The following PALM2AKAP2 variants were observed in gnomAD, a reference collection of about 807,000 sequenced individuals.
PALM2AKAP2 encodes PALM2 and AKAP2 fusion, also known as PALM2-AKAP2 fusion protein.
Under a neutral mutation model 71.5 loss-of-function variants are expected in PALM2AKAP2, and 37 were observed. That is an observed-to-expected ratio of 0.52 (90% CI 0.40 to 0.68). PALM2AKAP2 has a LOEUF of 0.68. Ranked by LOEUF, PALM2AKAP2 falls within the 30% of genes least tolerant of loss-of-function variation. PALM2AKAP2 has a pLI of 0.00. For synonymous variants in PALM2AKAP2, 468 were observed against 478.8 expected (o/e 0.98, Z 0.29); for missense variants, 1,224 against 1,191.8 (o/e 1.03, Z -0.40).
chr9:109,792,211 A>T (rs553983893), intron 1 of PALM2AKAP2, among the ~76,000 whole-genome samples: 1 of 152,278 alleles, frequency 6.6e-6, no homozygotes, highest in East Asian at 1.9e-4. Context: ...TGCTGGATGA[A>T]CTCATCAGTT....
chr9:110,048,400 C>G (rs1309473967), upstream of PALM2AKAP2, among the ~76,000 whole-genome samples: 1 of 152,178 alleles, frequency 6.6e-6, no homozygotes, highest in Non-Finnish European at 1.5e-5. Flanking sequence ...TATCCATATA[C>G]CCAGACACAG....
chr9:109,758,172 G>A (rs1828994775), intron 1 of PALM2AKAP2, among the ~76,000 whole-genome samples: 2 of 151,952 alleles, frequency 1.3e-5, no homozygotes, highest in African/African-American at 4.8e-5. Context: ...ATATCTTCAT[G>A]CTTGCTCCCC....
chr9:109,777,079 A>G (rs568775513), upstream of PALM2AKAP2, among the ~76,000 whole-genome samples: 2 of 152,304 alleles, frequency 1.3e-5, no homozygotes, highest in African/African-American at 4.8e-5. Flanking sequence ...CTCATCTTTC[A>G]CAGTTTCTTT....
At chr9:110,091,376 G>A (rs188966386) in intron 1 of PALM2AKAP2, among the ~76,000 whole-genome samples, 24 of 150,248 alleles carry the variant, frequency 1.6e-4, no homozygotes, top group Non-Finnish European at 1.8e-4. Context: ...TGTGATCCTC[G>A]TTGCTTTTCT....
intron 1 of PALM2AKAP2, among the ~76,000 whole-genome samples, chr9:110,111,936 C>A (rs1835263429): frequency 6.6e-6 from 1 of 152,096 alleles, no homozygotes; most frequent in African/African-American, 2.4e-5. Flanking sequence ...GTTTTCAGAT[C>A]CCCACCTTCT....
chr9:109,670,362 A>G (rs540522107), intron 1 of PALM2AKAP2, among the ~76,000 whole-genome samples: 51 of 152,278 alleles, frequency 3.3e-4, no homozygotes, highest in Non-Finnish European at 6.3e-4. Context: ...AAATGAGAAC[A>G]TGAGGTATTT....
chr9:110,054,499 C>A lies in PALM2AKAP2; in HGVS notation c.156+5644C>A, dbSNP rs149844046. Among the ~76,000 whole-genome samples, 1,164 of 152,240 alleles carry A rather than the reference C, an allele frequency of 7.6e-3. 15 individuals are homozygous for A. The highest frequency in any genetic ancestry group is 0.027 in the African/African-American group (1,110 of 41,556). On this transcript the variant is annotated intron_variant, in intron 1 of 3. Coordinates refer to ENST00000374525, the Ensembl canonical transcript of PALM2AKAP2. ...TGTATTCCTCCTAAAGTTGGTTGTTCTTAAATTAACCAAAGCCTTCTTTCA... is the reference window on the plus strand; with the variant it reads ...TGTATTCCTCCTAAAGTTGGTTGTTATTAAATTAACCAAAGCCTTCTTTCA...
At chr9:109,833,835 C>G (rs1422838152) in intron 1 of PALM2AKAP2, among the ~76,000 whole-genome samples, 1 of 152,196 alleles carries the variant, frequency 6.6e-6, no homozygotes, top group East Asian at 1.9e-4. Flanking sequence ...GAGCCTCTGT[C>G]CGGTTTAGGT....
chr9:109,989,400 T>C (rs576961764), intron 6 of PALM2AKAP2, among the ~76,000 whole-genome samples: 1 of 152,230 alleles, frequency 6.6e-6, no homozygotes, highest in South Asian at 2.1e-4. Context: ...TTCTTTCGGG[T>C]TGTGCTTTCT....
upstream of PALM2AKAP2, among the ~76,000 whole-genome samples, chr9:109,776,297 T>A (rs530956884): frequency 3.8e-4 from 58 of 152,344 alleles, no homozygotes; most frequent in African/African-American, 1.3e-3. Flanking sequence ...ATTTTCCCTC[T>A]GCTCCTTGGC....
At chr9:110,111,535 C>T (rs1835252457) in intron 1 of PALM2AKAP2, among the ~76,000 whole-genome samples, 1 of 152,158 alleles carries the variant, frequency 6.6e-6, no homozygotes, top group Non-Finnish European at 1.5e-5. Flanking sequence ...AACCCCTTGC[C>T]ACCACCACAG....
At position 110,125,701 on chromosome 9, in the gene PALM2AKAP2, TG is replaced by T. The variant is rs1232900023; in HGVS notation, c.157-10425del. On this transcript the variant is annotated intron_variant, in intron 1 of 3. Transcript: ENST00000374525. Reference sequence around the variant, plus strand: ...GTCTTTATGGAGGAGGTTTTCTGAGTGTGTCATGTGCTGTGGAGTCCTTTCT... The same window carrying T: ...GTCTTTATGGAGGAGGTTTTCTGAGTTGTCATGTGCTGTGGAGTCCTTTCT... 4.5e-6 allele frequency: 3 copies of T among 666,126 alleles called. No homozygotes were observed. In the African/African-American group the frequency reaches 5.9e-5, roughly 13 times the overall value. The allele number at this position is 666,126 out of a possible 1,614,324, so 41.3% of individuals were successfully genotyped here. A position where few individuals can be genotyped will look rare whatever the true frequency, so the allele number is the denominator to read the frequency against.
At chr9:109,799,785 G>T (rs1012376072) in intron 1 of PALM2AKAP2, among the ~76,000 whole-genome samples, 3 of 152,108 alleles carry the variant, frequency 2.0e-5, no homozygotes, top group Non-Finnish European at 4.4e-5. Context: ...ATGAACCACC[G>T]CGTCGGCCAC....
At chr9:109,660,422 C>T (rs941256166) in intron 1 of PALM2AKAP2, among the ~76,000 whole-genome samples, 3 of 152,068 alleles carry the variant, frequency 2.0e-5, no homozygotes, top group Admixed American at 1.3e-4. Context: ...GTTCAGTTCC[C>T]ACCTGTGAGT....
At chr9:109,963,860 G>A (rs1831895052) in intron 6 of PALM2AKAP2, among the ~76,000 whole-genome samples, 1 of 152,254 alleles carries the variant, frequency 6.6e-6, no homozygotes, top group Admixed American at 6.5e-5. Flanking sequence ...GGTAGCGTAT[G>A]TGTGGATGGA....
upstream of PALM2AKAP2, chr9:110,048,636 C>T: frequency 6.9e-7 from 1 of 1,448,404 alleles, no homozygotes; most frequent in Non-Finnish European, 9.0e-7. Context: ...AGGGGCGGGC[C>T]CCAGGAGCAG....
chr9:110,061,673 G>T (rs1833968028), intron 1 of PALM2AKAP2, among the ~76,000 whole-genome samples: 1 of 149,916 alleles, frequency 6.7e-6, no homozygotes, highest in East Asian at 1.9e-4. Flanking sequence ...ATATATATGT[G>T]TACAACAGGT....
intron 1 of PALM2AKAP2, among the ~76,000 whole-genome samples, chr9:109,689,200 CTTTTT>C (rs200092612): frequency 0.18 from 23,497 of 133,698 alleles, 2,079 homozygotes; most frequent in Non-Finnish European, 0.21. Flanking sequence ...TTTTTCTTTT[CTTTTT>C]TTTTTTTTTT....
chr9:109,708,566 G>A (rs947533784), intron 1 of PALM2AKAP2, among the ~76,000 whole-genome samples: 2 of 152,160 alleles, frequency 1.3e-5, no homozygotes, highest in Non-Finnish European at 2.9e-5. Context: ...GCACCGCCAA[G>A]ACTTTATTAT....
Sources: allele counts gnomAD v4.1 joint callset (sites outside exome capture counted in the v4.1 genomes callset), GRCh38; gene constraint gnomAD v4.1.1; transcripts MANE v1.5; gene names NCBI Gene and HGNC (gene_info 2026-07-23, HGNC 2026-07-21).